Variants in SUSD4 observed in about 807,000 individuals in gnomAD.
The protein encoded by SUSD4 is sushi domain containing 4, also known as sushi domain-containing protein 4.
Under a neutral mutation model 50.5 loss-of-function variants are expected in SUSD4, and 41 were observed. The observed-to-expected ratio is 0.81, with a 90% CI of 0.63 to 1.05. The LOEUF (loss-of-function observed/expected upper bound fraction) is 1.05, where lower values mean the gene tolerates loss of function less well. Ranked by LOEUF, SUSD4 falls within the 50% of genes least tolerant of loss-of-function variation. The pLI, the probability that SUSD4 is intolerant of heterozygous loss-of-function variation, is 0.00. For synonymous variants in SUSD4, 257 were observed against 257.3 expected (o/e 1.00, Z 0.01); for missense variants, 580 against 634.7 (o/e 0.91, Z 0.93).
rs1415705994 is a variant in SUSD4 at position 223,364,009 on chromosome 1, C to T, written c.-36+48G>A. Reference sequence around the variant, plus strand: ...GCACCAACTCCCCCTCCCCGGCCTGCGCGCGCCTCCTCGGAATGGAAGACC... The same window carrying T: ...GCACCAACTCCCCCTCCCCGGCCTGTGCGCGCCTCCTCGGAATGGAAGACC... On this transcript the variant is annotated intron_variant, in intron 1 of 8. Transcript: ENST00000366878. The surrounding 1 kb of genome is among the most constrained non-coding windows in gnomAD (Gnocchi z 4.5). 6.5e-6 allele frequency: 1 copy of T among 152,734 alleles called. No individual in the cohort carries two copies. The highest frequency in any genetic ancestry group is 1.5e-5 in the Non-Finnish European group (1 of 68,240). 9.5% of individuals were successfully genotyped at this position (152,734 alleles called of 1,614,324 possible).
chr1:223,260,512 C>T (rs1039825355), intron 5 of SUSD4, among the ~76,000 whole-genome samples: 2 of 152,112 alleles, frequency 1.3e-5, no homozygotes, highest in East Asian at 1.9e-4. Context: ...GAAGAGAACC[C>T]GAGAGTGGAA....
chr1:223,242,748 G>A (rs1660665744), intron 5 of SUSD4, among the ~76,000 whole-genome samples: 1 of 152,246 alleles, frequency 6.6e-6, no homozygotes, highest in South Asian at 2.1e-4. Flanking sequence ...TGTGAGGGCT[G>A]TATGAGCTAA....
At chr1:223,280,844 A>C (rs1020556298) in intron 3 of SUSD4, among the ~76,000 whole-genome samples, 2 of 152,200 alleles carry the variant, frequency 1.3e-5, no homozygotes, top group Non-Finnish European at 2.9e-5. Flanking sequence ...GAAGTAAAGC[A>C]CTCCTCAGCA....
intron 5 of SUSD4, among the ~76,000 whole-genome samples, chr1:223,244,887 T>C (rs1157954896): frequency 6.6e-6 from 1 of 152,106 alleles, no homozygotes; most frequent in Non-Finnish European, 1.5e-5. Flanking sequence ...TGGAGACCAA[T>C]AGGAGGTACA....
intron 2 of SUSD4, among the ~76,000 whole-genome samples, chr1:223,310,513 C>G (rs999362728): frequency 6.6e-6 from 1 of 151,904 alleles, no homozygotes; most frequent in Non-Finnish European, 1.5e-5. Context: ...AACTAAACAA[C>G]AACAATAAAA....
At chr1:223,328,416 G>A (rs553730457) in intron 2 of SUSD4, among the ~76,000 whole-genome samples, 2 of 152,292 alleles carry the variant, frequency 1.3e-5, no homozygotes, top group Admixed American at 1.3e-4. Flanking sequence ...AATTCTCTGG[G>A]CAGGGTTGCC....
intron 2 of SUSD4, among the ~76,000 whole-genome samples, chr1:223,352,213 G>A (rs1668407136): frequency 6.6e-6 from 1 of 152,198 alleles, no homozygotes. Context: ...CAGAGATAGG[G>A]TAGGTTCACT....
At chr1:223,318,602 T>C (rs1218174865) in intron 2 of SUSD4, among the ~76,000 whole-genome samples, 96 of 144,404 alleles carry the variant, frequency 6.6e-4, no homozygotes, top group South Asian at 5.1e-3. Flanking sequence ...ATTTCTCTGA[T>C]GGCCAGTGAT....
At chr1:223,237,271 C>T (rs1426370056) in intron 5 of SUSD4, among the ~76,000 whole-genome samples, 1 of 152,026 alleles carries the variant, frequency 6.6e-6, no homozygotes, top group Admixed American at 6.6e-5. Context: ...GGATTTCTTA[C>T]ATAGATGATC....
intron 7 of SUSD4, among the ~76,000 whole-genome samples, 180 bp from the exon 8 acceptor site, chr1:223,223,811 C>T (rs1355289628): frequency 6.6e-6 from 1 of 152,208 alleles, no homozygotes; most frequent in East Asian, 1.9e-4. Context: ...ATGATGCTGC[C>T]ATCCCGGCTG....
rs191380078 is a variant in SUSD4, at chr1:223,305,537, T to C, written c.149-12886A>G. 2.0e-4 allele frequency among the ~76,000 whole-genome samples: 30 copies of C among 152,312 alleles called. No individual in the cohort carries two copies. The East Asian group carries it at 5.6e-3, about 28-fold the overall frequency. ...GTTTGTGAATTTAGTGCTATGTCATTCCTTAATTCAGTGTATTGTCAGTCA... is the reference window on the plus strand; with the variant it reads ...GTTTGTGAATTTAGTGCTATGTCATCCCTTAATTCAGTGTATTGTCAGTCA... On this transcript the variant is annotated intron_variant, in intron 2 of 8. Coordinates refer to ENST00000366878, the MANE Select transcript of SUSD4 (RefSeq NM_017982.4).
At chr1:223,326,995 T>A (rs1291305289) in intron 2 of SUSD4, among the ~76,000 whole-genome samples, 1 of 152,204 alleles carries the variant, frequency 6.6e-6, no homozygotes, top group Non-Finnish European at 1.5e-5. Context: ...CTACTGGGCA[T>A]CTACCCAAAG....
chr1:223,227,601 G>T lies in SUSD4; in HGVS notation c.1054C>A (p.Pro352Thr). 1 of 1,613,772 alleles carries T rather than the reference G, an allele frequency of 6.2e-7. No individual in the cohort carries two copies. Among genetic ancestry groups the T allele is most frequent in the Non-Finnish European group, 8.5e-7 (1 of 1,179,820 alleles). ...CCAAGACATGACACTGACCTGGGGG[G>T]AAAGTGGGCCTTGAACTTGGTCTGG... ...MFQTKFKAHF[P>T]PRGPPRSSSS... Residue 352 changes from proline to threonine, a missense_variant, in exon 7 of 9, where the codon CCC (proline) becomes ACC (threonine). Pro to Thr is a conservative substitution (Grantham distance 38, BLOSUM62 -1). Transcript: ENST00000366878. The surrounding 1 kb of genome is among the most constrained non-coding windows in gnomAD (Gnocchi z 4.5).
chr1:223,363,593 C>T, intron 1 of SUSD4, 133 bp from the exon 2 acceptor site: 5 of 1,092,876 alleles, frequency 4.6e-6, no homozygotes, highest in Non-Finnish European at 5.0e-6. Context: ...GCGCGGCCCC[C>T]GCCCCCTTTC....
upstream of SUSD4, among the ~76,000 whole-genome samples, chr1:223,365,105 G>C (rs576085364): frequency 4.6e-5 from 7 of 152,258 alleles, no homozygotes; most frequent in South Asian, 1.2e-3. Context: ...GTACCTGGAG[G>C]AGGGGAGGCT....
At chr1:223,299,399 A>G (rs909261867) in intron 2 of SUSD4, among the ~76,000 whole-genome samples, 4 of 152,226 alleles carry the variant, frequency 2.6e-5, no homozygotes, top group African/African-American at 7.2e-5. Context: ...GAGAAGAGAA[A>G]AGAGTTCACA....
intron 2 of SUSD4, among the ~76,000 whole-genome samples, chr1:223,303,253 A>C (rs773418402): frequency 9.2e-5 from 14 of 152,240 alleles, no homozygotes; most frequent in Non-Finnish European, 1.9e-4. Flanking sequence ...TCTGTTTGGG[A>C]AAACTTCAGC....
intron 7 of SUSD4, among the ~76,000 whole-genome samples, chr1:223,225,595 C>A (rs1175127877): frequency 6.6e-6 from 1 of 152,180 alleles, no homozygotes; most frequent in African/African-American, 2.4e-5. Context: ...TTACTGCTTC[C>A]TTGACAATGA....
At chr1:223,259,003 C>G (rs1244919365) in intron 5 of SUSD4, among the ~76,000 whole-genome samples, 1 of 152,154 alleles carries the variant, frequency 6.6e-6, no homozygotes, top group Non-Finnish European at 1.5e-5. Context: ...ACGGGAGGCC[C>G]TGGATAACTT....
Sources: allele counts gnomAD v4.1 joint callset (sites outside exome capture counted in the v4.1 genomes callset), GRCh38; gene constraint gnomAD v4.1.1; non-coding constraint Gnocchi (gnomAD v3.1); transcripts MANE v1.5; gene names NCBI Gene and HGNC (gene_info 2026-07-23, HGNC 2026-07-21).